SLC25A51: variants seen among roughly 807,000 people sequenced by gnomAD.
SLC25A51 encodes the protein mitochondrial nicotinamide adenine dinucleotide transporter SLC25A51.
Under a neutral mutation model 19.1 loss-of-function variants are expected in SLC25A51, and 11 were observed. That is an observed-to-expected ratio of 0.58 (90% confidence interval 0.36 to 0.96). The LOEUF (loss-of-function observed/expected upper bound fraction) is 0.96, where lower values mean the gene tolerates loss of function less well. SLC25A51 is among the 40% of genes least tolerant of loss of function. The pLI, the probability that SLC25A51 is intolerant of heterozygous loss-of-function variation, is 0.01. For missense variants in SLC25A51, 201 were observed against 365.4 expected, an observed-to-expected ratio of 0.55 and a Z score of 3.67; for synonymous variants, 105 against 133.6, an observed-to-expected ratio of 0.79 and a Z score of 1.47.
downstream of SLC25A51, chr9:37,879,135 C>T (rs190302923): frequency 1.4e-5 from 5 of 348,512 alleles, no homozygotes; most frequent in East Asian, 4.4e-4. Flanking sequence ...GTAACATCTG[C>T]ACATAAAGGA....
chr9:37,892,906 GT>G (rs1831627274), intron 2 of SLC25A51, among the ~76,000 whole-genome samples: 1 of 152,056 alleles, frequency 6.6e-6, no homozygotes, highest in Non-Finnish European at 1.5e-5. Flanking sequence ...TGCCCAGCTA[GT>G]TTTTGTATTT....
intron 2 of SLC25A51, among the ~76,000 whole-genome samples, chr9:37,897,351 T>C (rs1460731628): frequency 6.6e-6 from 1 of 152,010 alleles, no homozygotes; most frequent in Non-Finnish European, 1.5e-5. Context: ...CACTTTGCCC[T>C]GCCTGATTAT....
chr9:37,903,281 C>A (rs952378554), intron 1 of SLC25A51, among the ~76,000 whole-genome samples: 2 of 152,112 alleles, frequency 1.3e-5, no homozygotes, highest in African/African-American at 2.4e-5. Context: ...TCAGAGATTA[C>A]AAGTAGAGAA....
intron 2 of SLC25A51, among the ~76,000 whole-genome samples, chr9:37,890,600 G>A (rs1163043385): frequency 6.6e-6 from 1 of 151,928 alleles, no homozygotes; most frequent in Non-Finnish European, 1.5e-5. Context: ...GAAGGTGGAG[G>A]GAGAAGGACC....
At chr9:37,888,848 C>A (rs1288742337) in intron 2 of SLC25A51, among the ~76,000 whole-genome samples, 2 of 152,170 alleles carry the variant, frequency 1.3e-5, no homozygotes, top group East Asian at 3.8e-4. Flanking sequence ...AATGACTTAT[C>A]ACAACAGACT....
chr9:37,883,756 T>C (rs181386875), downstream of SLC25A51, among the ~76,000 whole-genome samples: 1 of 152,390 alleles, frequency 6.6e-6, no homozygotes, highest in African/African-American at 2.4e-5. Flanking sequence ...CTCGATTTAA[T>C]AGGCCAATGG....
chr9:37,891,898 TAAAA>T (rs5897706), intron 2 of SLC25A51, among the ~76,000 whole-genome samples: 14 of 113,172 alleles, frequency 1.2e-4, no homozygotes, highest in African/African-American at 4.7e-4. Flanking sequence ...ACAACTACTT[TAAAA>T]AAAAAAAAAA....
downstream of SLC25A51, among the ~76,000 whole-genome samples, chr9:37,877,945 C>T (rs1460693284): frequency 6.6e-6 from 1 of 152,114 alleles, no homozygotes; most frequent in East Asian, 1.9e-4. Context: ...GAGGCTGAGG[C>T]TGCAGTGGGC....
At chr9:37,895,360 T>G (rs12347557) in intron 2 of SLC25A51, among the ~76,000 whole-genome samples, 3,399 of 150,850 alleles carry the variant, frequency 0.023, 129 homozygotes, top group African/African-American at 0.077. Context: ...CACCACCACA[T>G]TCGGCTTTTT....
At chr9:37,895,340 T>C (rs1831693343) in intron 2 of SLC25A51, among the ~76,000 whole-genome samples, 1 of 151,274 alleles carries the variant, frequency 6.6e-6, no homozygotes, top group South Asian at 2.1e-4. Flanking sequence ...TAGCTGGAAC[T>C]ACAGGTATCC....
At chr9:37,885,160 G>A (rs552589274), downstream of SLC25A51, among the ~76,000 whole-genome samples, 191 of 152,050 alleles carry the variant, frequency 1.3e-3, 2 homozygotes, top group Non-Finnish European at 2.1e-3. Context: ...GGAAGCCTGA[G>A]GAGCCCCTGG....
chr9:37,879,346 G>A (rs768531540), downstream of SLC25A51: 4 of 191,254 alleles, frequency 2.1e-5, no homozygotes, highest in Non-Finnish European at 3.7e-5. Context: ...CAGTGGTCTC[G>A]GCTATTCAAC....
chr9:37,885,701 G>C (rs1350367145), downstream of SLC25A51: 2 of 1,387,488 alleles, frequency 1.4e-6, no homozygotes, highest in African/African-American at 2.8e-5. Context: ...CGGAGATCCT[G>C]ATGTTTCTCA....
intron 2 of SLC25A51, among the ~76,000 whole-genome samples, chr9:37,895,037 T>A (rs1405288724): frequency 6.6e-6 from 1 of 152,208 alleles, no homozygotes; most frequent in Admixed American, 6.5e-5. Flanking sequence ...GCATTTAGGT[T>A]GATTCCATGT....
chr9:37,894,452 G>A (rs200537445), intron 2 of SLC25A51, among the ~76,000 whole-genome samples: 1 of 151,320 alleles, frequency 6.6e-6, no homozygotes, highest in Non-Finnish European at 1.5e-5. Context: ...TCAGCCTCCC[G>A]AGTAGCTGGG....
chr9:37,886,234 C>T, downstream of SLC25A51: 1 of 1,599,616 alleles, frequency 6.3e-7, no homozygotes, highest in Non-Finnish European at 8.6e-7. Context: ...TCTCATGGAC[C>T]TTCTCTGAGG....
intron 2 of SLC25A51, among the ~76,000 whole-genome samples, chr9:37,890,728 C>A (rs1443035062): frequency 6.6e-6 from 1 of 152,024 alleles, no homozygotes; most frequent in Non-Finnish European, 1.5e-5. Context: ...TCCAACAATC[C>A]TACTTCTGGG....
At chr9:37,885,342 T>TAAAAAA (rs60095173), downstream of SLC25A51, among the ~76,000 whole-genome samples, 3 of 99,240 alleles carry the variant, frequency 3.0e-5, no homozygotes, top group Non-Finnish European at 4.0e-5. Flanking sequence ...TAGGTAATGA[T>TAAAAAA]AAAAAAAAAA....
rs890004257 is a variant in SLC25A51, at chr9:37,896,751, G to T, written c.-43+3078C>A. ...GCGGAGGTTGCAGTGAGCCGAGATT[G>T]CACCACTGCACTCCAGCCTGGGTGA... On this transcript the variant is annotated intron_variant, in intron 2 of 2. Coordinates refer to ENST00000242275, the MANE Select transcript of SLC25A51 (RefSeq NM_033412.4). 5.9e-5 allele frequency among the ~76,000 whole-genome samples: 9 copies of T among 152,144 alleles called. 1 individual carries two copies. Among genetic ancestry groups the T allele is most frequent in the Non-Finnish European group, 2.9e-5 (2 of 68,024 alleles).
Sources: gnomAD v4.1 joint callset for allele counts (sites outside exome capture counted in the v4.1 genomes callset) on GRCh38, gnomAD v4.1.1 for gene constraint, MANE v1.5 for transcripts, NCBI Gene and HGNC (gene_info 2026-07-23, HGNC 2026-07-21) for gene names.